Variants in BABAM2 observed in about 807,000 individuals in gnomAD.
BABAM2 encodes BRISC and BRCA1-A complex member 2.
In BABAM2, 31 loss-of-function variants were observed where a neutral mutation model predicts 54.7. The observed-to-expected ratio is 0.57, with a 90% CI of 0.43 to 0.77. BABAM2 has a LOEUF of 0.77. Ranked by LOEUF, BABAM2 falls within the 30% of genes least tolerant of loss-of-function variation. The pLI, the probability that BABAM2 is intolerant of heterozygous loss-of-function variation, is 0.00. For missense variants in BABAM2, 364 were observed against 455.8 expected (o/e 0.80, Z 1.83); for synonymous variants, 167 against 162.9 (o/e 1.03, Z -0.19).
intron 7 of BABAM2, among the ~76,000 whole-genome samples, chr2:28,217,670 T>G (rs530417884): frequency 3.3e-5 from 5 of 152,338 alleles, no homozygotes; most frequent in African/African-American, 1.2e-4. Context: ...TCAGCTTAAT[T>G]TTTTTAAAGT....
chr2:28,274,245 A>T (rs960387990), intron 10 of BABAM2, among the ~76,000 whole-genome samples: 4 of 152,044 alleles, frequency 2.6e-5, no homozygotes, highest in Non-Finnish European at 5.9e-5. Context: ...TCTTTCTTGC[A>T]CCATTTCTTA....
intron 11 of BABAM2, among the ~76,000 whole-genome samples, chr2:28,336,637 A>C (rs1443289768): frequency 1.3e-5 from 2 of 152,204 alleles, no homozygotes; most frequent in African/African-American, 2.4e-5. Flanking sequence ...TTCCAGAGAG[A>C]GGAGCTGACG....
At chr2:28,011,304 C>T (rs900425769) in intron 4 of BABAM2, among the ~76,000 whole-genome samples, 1 of 152,096 alleles carries the variant, frequency 6.6e-6, no homozygotes, top group African/African-American at 2.4e-5. Context: ...GTGTATTGTG[C>T]TTTGTGGATA....
At chr2:28,014,911 G>A (rs1426238278) in intron 4 of BABAM2, among the ~76,000 whole-genome samples, 1 of 152,146 alleles carries the variant, frequency 6.6e-6, no homozygotes, top group African/African-American at 2.4e-5. Context: ...AGTTCAGAAA[G>A]TACCAGTGTC....
intron 7 of BABAM2, among the ~76,000 whole-genome samples, chr2:28,221,059 C>G (rs1680359963): frequency 6.6e-6 from 1 of 152,054 alleles, no homozygotes; most frequent in South Asian, 2.1e-4. Context: ...CTCAGTTAAC[C>G]TAGGTGTCTC....
intron 7 of BABAM2, 66 bp downstream of exon 7, chr2:28,129,446 T>C: frequency 1.5e-6 from 2 of 1,339,838 alleles, no homozygotes; most frequent in South Asian, 1.2e-5. Context: ...TCATTCTTTC[T>C]TTTGCCACTC....
At chr2:28,260,991 G>T in intron 10 of BABAM2, among the ~76,000 whole-genome samples, 1 of 142,600 alleles carries the variant, frequency 7.0e-6, no homozygotes. Context: ...ACCCAGGCTG[G>T]AGTGCAGTGG....
intron 10 of BABAM2, among the ~76,000 whole-genome samples, chr2:28,258,357 A>G (rs887376142): frequency 4.6e-5 from 7 of 151,994 alleles, no homozygotes; most frequent in Admixed American, 2.6e-4. Flanking sequence ...CTGCCATACT[A>G]TTTTCCAAAT....
At chr2:28,309,888 T>G in intron 11 of BABAM2, 2 of 565,716 alleles carry the variant, frequency 3.5e-6, no homozygotes, top group East Asian at 2.9e-5. Context: ...GACACAGGAA[T>G]TGGGGACTGA....
intron 9 of BABAM2, among the ~76,000 whole-genome samples, chr2:28,242,293 C>T (rs755357094): frequency 2.0e-5 from 3 of 152,134 alleles, no homozygotes; most frequent in South Asian, 2.1e-4. Context: ...AAGCAAGCAC[C>T]GATAGGGGAG....
intron 10 of BABAM2, among the ~76,000 whole-genome samples, chr2:28,289,370 T>A (rs1216566487): frequency 2.0e-5 from 3 of 152,266 alleles, no homozygotes; most frequent in African/African-American, 7.2e-5. Context: ...TTAAACTTTT[T>A]AAAATTATAA....
At position 27,896,839 on chromosome 2, in the gene BABAM2, G is replaced by A. The variant is rs56387717; in HGVS notation, c.128+2155G>A. ...GGGTCCACATTGCTCAGCTGGGTCC[G>A]CCATTGCTTCCCAGGTGACAGGGAG... On this transcript the variant is annotated intron_variant, in intron 2 of 11. Transcript: ENST00000379624. The A allele has an allele frequency of 6.3e-3, 1,341 of 214,398 alleles. 5 individuals carry two copies. The highest frequency in any genetic ancestry group is 0.019 in the Middle Eastern group (14 of 718). The allele number at this position is 214,398 out of a possible 1,614,324, so 13.3% of individuals were successfully genotyped here. A position where few individuals can be genotyped will look rare whatever the true frequency, so the allele number is the denominator to read the frequency against.
chr2:28,090,850 T>G (rs1666100928), intron 6 of BABAM2, among the ~76,000 whole-genome samples: 1 of 152,200 alleles, frequency 6.6e-6, no homozygotes, highest in Admixed American at 6.5e-5. Flanking sequence ...TAGTGTAAAC[T>G]TTAGTAAATT....
At chr2:27,897,741 A>T (rs1665454706) in intron 2 of BABAM2, among the ~76,000 whole-genome samples, 1 of 152,100 alleles carries the variant, frequency 6.6e-6, no homozygotes, top group African/African-American at 2.4e-5. Flanking sequence ...TGGTGGTAGG[A>T]AGTGGGGATT....
chr2:28,288,264 G>C (rs942406365), intron 10 of BABAM2, among the ~76,000 whole-genome samples: 2 of 151,846 alleles, frequency 1.3e-5, no homozygotes, highest in Non-Finnish European at 2.9e-5. Flanking sequence ...TCTCTTCACA[G>C]ATACAAAGGG....
intron 3 of BABAM2, among the ~76,000 whole-genome samples, chr2:27,968,048 C>A (rs1240374249): frequency 1.3e-5 from 2 of 152,234 alleles, no homozygotes; most frequent in African/African-American, 4.8e-5. Context: ...TTCAAGCTGG[C>A]TGCAGAAATT....
Position 27,891,288 on chromosome 2 carries a change from A to G in BABAM2, c.-25+446A>G, listed in dbSNP as rs542973215. ...CGTCGACGTGACGCAGCAGGATGCC[A>G]CCCCTTTCCGTTCCATGACGTCAGC... On this transcript the variant is annotated intron_variant, in intron 1 of 11. Coordinates refer to ENST00000379624, the MANE Select transcript of BABAM2 (RefSeq NM_199191.3). 2.0e-5 allele frequency among the ~76,000 whole-genome samples: 3 copies of G among 151,952 alleles called. No homozygotes were observed. In the East Asian group the frequency reaches 5.8e-4, roughly 29 times the overall value.
intron 7 of BABAM2, among the ~76,000 whole-genome samples, chr2:28,177,344 C>T (rs190926999): frequency 1.5e-4 from 23 of 152,102 alleles, no homozygotes; most frequent in African/African-American, 5.5e-4. Context: ...AAGGTCTTTC[C>T]TAGACAAGCA....
chr2:28,232,451 T>G (rs1211854948), intron 7 of BABAM2, among the ~76,000 whole-genome samples: 1 of 152,214 alleles, frequency 6.6e-6, no homozygotes, highest in Non-Finnish European at 1.5e-5. Flanking sequence ...AGTCATGCAT[T>G]GCTTAATGGC....
Sources: allele counts gnomAD v4.1 joint callset (sites outside exome capture counted in the v4.1 genomes callset), GRCh38; gene constraint gnomAD v4.1.1; transcripts MANE v1.5; gene names NCBI Gene and HGNC (gene_info 2026-07-23, HGNC 2026-07-21).